TANC2: variants seen among roughly 807,000 people sequenced by gnomAD.
TANC2 encodes the protein protein TANC2.
Under a neutral mutation model 210.5 loss-of-function variants are expected in TANC2, and 26 were observed. That is an observed-to-expected ratio of 0.12 (90% CI 0.09 to 0.17). The LOEUF (loss-of-function observed/expected upper bound fraction) is 0.17. TANC2 is among the 10% of genes least tolerant of loss of function. TANC2 has a pLI of 1.00. For synonymous variants in TANC2, 931 were observed against 967.1 expected (o/e 0.96, Z 0.69); for missense variants, 2,129 against 2,608.9 (o/e 0.82, Z 4.01).
In TANC2 at chr17:63,025,821, TTAAAATAAAA is replaced by T. The variant is rs71357046; in HGVS notation, c.67+16226_67+16235del. 4.9e-3 allele frequency among the ~76,000 whole-genome samples: 693 copies of T among 141,504 alleles called. 4 individuals carry two copies. Among genetic ancestry groups the T allele is most frequent in the African/African-American group, 0.011 (401 of 36,388 alleles). The allele number at this position is 141,504 out of a possible 152,430, so 92.8% of individuals were successfully genotyped here. A position where few individuals can be genotyped will look rare whatever the true frequency, so the allele number is the denominator to read the frequency against. On this transcript the variant is annotated intron_variant, in intron 2 of 27. Transcript: ENST00000689528. ...AAAAATAAAATAAAATAAAATTAAATTAAAATAAAATAAAATAAAATAAAATAAAATAAAA... is the reference window on the plus strand; with the variant it reads ...AAAAATAAAATAAAATAAAATTAAATTAAAATAAAATAAAATAAAATAAAA...
At chr17:63,228,527 G>A (rs1598651239) in intron 7 of TANC2, among the ~76,000 whole-genome samples, 2 of 152,270 alleles carry the variant, frequency 1.3e-5, no homozygotes, top group South Asian at 4.1e-4. Flanking sequence ...GGGCAGTATG[G>A]CTATTTTCAC....
At chr17:63,044,458 G>T (rs920364002) in intron 2 of TANC2, among the ~76,000 whole-genome samples, 2 of 151,924 alleles carry the variant, frequency 1.3e-5, no homozygotes, top group African/African-American at 2.4e-5. Flanking sequence ...TTTATGTATT[G>T]TATAGTATTC....
chr17:63,082,452 A>C lies in TANC2; in HGVS notation c.139+8438A>C, dbSNP rs376860446. ...GAAAGTTTGAAGAGCTAGTTCCCAC[A>C]AGGGGGCAGAATAAGACAAACCTGA... On this transcript the variant is annotated intron_variant, in intron 3 of 27. Transcript: ENST00000689528. Among the ~76,000 whole-genome samples, 81 of 152,336 alleles carry C rather than the reference A, an allele frequency of 5.3e-4. 2 individuals are homozygous for C. The South Asian group carries it at 0.017, about 31-fold the overall frequency.
At position 63,185,936 on chromosome 17, in the gene TANC2, A is replaced by C. The variant is rs552967893; in HGVS notation, c.434-8055A>C. Among the ~76,000 whole-genome samples, 21 of 152,190 alleles carry C rather than the reference A, an allele frequency of 1.4e-4. No homozygotes were observed. The South Asian group carries it at 4.4e-3, about 32-fold the overall frequency. ...CTTTGGTGAAAAGATTGACTTTGCC[A>C]ATCTTTTTTCTTAATGGTTGTTGCC... On this transcript the variant is annotated intron_variant, in intron 5 of 27. Transcript: ENST00000689528.
intron 2 of TANC2, among the ~76,000 whole-genome samples, chr17:63,044,554 T>G (rs2035307588): frequency 6.6e-6 from 1 of 152,188 alleles, no homozygotes; most frequent in South Asian, 2.1e-4. Flanking sequence ...TGATCATAAA[T>G]AATGTTCCAG....
intron 5 of TANC2, among the ~76,000 whole-genome samples, chr17:63,159,298 G>A (rs1364787846): frequency 6.6e-6 from 1 of 152,106 alleles, no homozygotes; most frequent in Non-Finnish European, 1.5e-5. Flanking sequence ...AAACTTAAGT[G>A]TCTAGTTTCT....
intron 5 of TANC2, among the ~76,000 whole-genome samples, chr17:63,178,275 G>C (rs2040660070): frequency 6.6e-6 from 1 of 152,158 alleles, no homozygotes; most frequent in African/African-American, 2.4e-5. Context: ...GGAGCTTGCA[G>C]TGAGCCGAGA....
chr17:63,224,250 AT>A (rs768863390), intron 7 of TANC2, among the ~76,000 whole-genome samples: 3,739 of 130,250 alleles, frequency 0.029, 33 homozygotes, highest in Middle Eastern at 0.054. Context: ...AGACTTGCTG[AT>A]TTTTTTTTTT....
At chr17:63,413,507 G>T in intron 24 of TANC2, 36 bp from the exon 25 acceptor site, 1 of 1,525,136 alleles carries the variant, frequency 6.6e-7, no homozygotes, top group Non-Finnish European at 8.9e-7. Context: ...TACATTGTAT[G>T]AGTTTTTTAC....
Position 63,071,701 on chromosome 17 carries a change from C to G in TANC2, c.68-2242C>G, listed in dbSNP as rs1477599364. ...ATATCTTTTGATTTTATATTGGAAG[C>G]ACATAGGAAGGTTATATTGTAAGAC... On this transcript the variant is annotated intron_variant, in intron 2 of 27. Coordinates refer to ENST00000689528, the Ensembl canonical transcript of TANC2. 3.9e-5 allele frequency among the ~76,000 whole-genome samples: 6 copies of G among 152,086 alleles called. No individual in the cohort carries two copies. In the East Asian group the frequency reaches 1.2e-3, roughly 29 times the overall value.
At chr17:63,008,050 G>GA (rs1249411006) in intron 1 of TANC2, among the ~76,000 whole-genome samples, 1 of 126,394 alleles carries the variant, frequency 7.9e-6, no homozygotes, top group Non-Finnish European at 1.6e-5. Flanking sequence ...CATTACTGTT[G>GA]AAAGTATCTT....
chr17:63,105,079 AT>A (rs2037774592), intron 4 of TANC2, among the ~76,000 whole-genome samples: 1 of 151,734 alleles, frequency 6.6e-6, no homozygotes, highest in Non-Finnish European at 1.5e-5. Flanking sequence ...GCTATGTCAA[AT>A]ATGTGTTCTG....
intron 8 of TANC2, among the ~76,000 whole-genome samples, chr17:63,251,070 ACT>A (rs1427697647): frequency 6.6e-6 from 1 of 152,150 alleles, no homozygotes; most frequent in African/African-American, 2.4e-5. Flanking sequence ...TGTGCAGGGC[ACT>A]CTGATTTACT....
At chr17:63,004,104 G>A (rs1212480468) in intron 1 of TANC2, among the ~76,000 whole-genome samples, 2 of 152,092 alleles carry the variant, frequency 1.3e-5, no homozygotes, top group East Asian at 3.8e-4. Context: ...TTTAGAGGGA[G>A]GGTTGACATT....
chr17:63,316,339 G>C (rs1447794412), intron 10 of TANC2, among the ~76,000 whole-genome samples: 5 of 152,184 alleles, frequency 3.3e-5, no homozygotes, highest in Admixed American at 6.5e-5. Context: ...CAGAGTTGCA[G>C]ATAACAGAGT....
In TANC2 at chr17:63,306,056, TGTG is replaced by T. The variant is rs145172497; in HGVS notation, c.1160-8329_1160-8327del. Among the ~76,000 whole-genome samples the T allele has an allele frequency of 8.3e-3, 1,268 of 152,282 alleles. 15 individuals are homozygous for T. Among genetic ancestry groups the T allele is most frequent in the African/African-American group, 0.028 (1,157 of 41,554 alleles). On this transcript the variant is annotated intron_variant, in intron 9 of 27. Transcript: ENST00000689528. ...GACGCGCTAGAAGGGAATGACGTAATGTGGTCATTGTAATAAAGAATTGGTCTG... is the reference window on the plus strand; with the variant it reads ...GACGCGCTAGAAGGGAATGACGTAATGTCATTGTAATAAAGAATTGGTCTG...
intron 10 of TANC2, among the ~76,000 whole-genome samples, chr17:63,317,812 G>A (rs920529964): frequency 1.8e-4 from 27 of 152,308 alleles, no homozygotes; most frequent in African/African-American, 6.5e-4. Context: ...TAGACAAAAA[G>A]GAGGGCATTT....
At chr17:63,218,275 GA>G (rs1008550737) in intron 7 of TANC2, among the ~76,000 whole-genome samples, 118 of 146,396 alleles carry the variant, frequency 8.1e-4, no homozygotes, top group African/African-American at 2.3e-3. Flanking sequence ...AGAGAGGAGG[GA>G]AAAAAAAAAT....
intron 26 of TANC2, among the ~76,000 whole-genome samples, chr17:63,416,715 G>A (rs193094505): frequency 6.6e-6 from 1 of 152,222 alleles, no homozygotes; most frequent in South Asian, 2.1e-4. Context: ...ACACAGCCAT[G>A]ACCTTCAGAG....
Sources: gnomAD v4.1 joint callset for allele counts (sites outside exome capture counted in the v4.1 genomes callset) on GRCh38, gnomAD v4.1.1 for gene constraint, MANE v1.5 for transcripts, NCBI Gene and HGNC (gene_info 2026-07-23, HGNC 2026-07-21) for gene names.